Variants in IL1RAPL1 observed in about 807,000 individuals in gnomAD.
IL1RAPL1 encodes the protein interleukin 1 receptor accessory protein like 1.
IL1RAPL1 carries 3 observed loss-of-function variants against 48.4 expected under a neutral mutation model. The ratio of observed to expected loss-of-function variants is 0.06; its 90% CI spans 0.03 to 0.16. The LOEUF (loss-of-function observed/expected upper bound fraction) is 0.16, where lower values mean the gene tolerates loss of function less well. Ranked by LOEUF, IL1RAPL1 falls within the 10% of genes least tolerant of loss-of-function variation. The pLI is 1.00. For missense variants in IL1RAPL1, 349 were observed against 530.6 expected, an observed-to-expected ratio of 0.66 and a Z score of 3.36; for synonymous variants, 185 against 187.7, an observed-to-expected ratio of 0.99 and a Z score of 0.12.
intron 6 of IL1RAPL1, among the ~76,000 whole-genome samples, chrX:29,853,246 A>G (rs867625218): frequency 9.2e-6 from 1 of 108,461 alleles, no homozygotes; most frequent in Non-Finnish European, 1.9e-5. Context: ...TATAATCCCA[A>G]CACTTGGGAG....
At chrX:29,743,078 T>C (rs1928246197) in intron 6 of IL1RAPL1, among the ~76,000 whole-genome samples, 1 of 109,584 alleles carries the variant, frequency 9.1e-6, no homozygotes, top group African/African-American at 3.3e-5. Flanking sequence ...GTAATACATA[T>C]GTAATATGAC....
At chrX:29,150,380 A>T (rs1197816790) in intron 2 of IL1RAPL1, among the ~76,000 whole-genome samples, 4 of 111,651 alleles carry the variant, frequency 3.6e-5, no homozygotes, top group Non-Finnish European at 7.5e-5. Flanking sequence ...AAACAACAAT[A>T]ATAGCAGCAG....
intron 5 of IL1RAPL1, among the ~76,000 whole-genome samples, chrX:29,519,990 ATGTCTC>A (rs1162286504): frequency 1.8e-5 from 2 of 111,936 alleles, no homozygotes; most frequent in Non-Finnish European, 3.8e-5. Flanking sequence ...ACCTAAGTCC[ATGTCTC>A]TGGCTAATCT....
chrX:28,971,876 TTGTG>T (rs3066657), intron 2 of IL1RAPL1, among the ~76,000 whole-genome samples: 243 of 84,465 alleles, frequency 2.9e-3, no homozygotes, highest in Middle Eastern at 0.012. Flanking sequence ...ACTCTGAAAA[TTGTG>T]TGTGTGTGTG....
At chrX:29,434,516 G>A (rs1246937306) in intron 5 of IL1RAPL1, among the ~76,000 whole-genome samples, 1 of 110,630 alleles carries the variant, frequency 9.0e-6, no homozygotes, top group Non-Finnish European at 1.9e-5. Context: ...TTGTCACACT[G>A]TTTTTTGCCA....
intron 5 of IL1RAPL1, among the ~76,000 whole-genome samples, chrX:29,550,347 A>C (rs776115704): frequency 9.1e-6 from 1 of 110,179 alleles, no homozygotes; most frequent in Non-Finnish European, 1.9e-5. Flanking sequence ...GCCCGCCACC[A>C]CGCCCGGCTA....
rs779005850 is a variant in IL1RAPL1 at position 29,178,164 on chromosome X, G to A, written c.83-104774G>A. On this transcript the variant is annotated intron_variant, in intron 2 of 10. Transcript: ENST00000378993. ...TCTAGTTCTAGATCCCTGAGGAATCGCCACACTGTCTTTCACAATGGTTGA... is the reference window on the plus strand; with the variant it reads ...TCTAGTTCTAGATCCCTGAGGAATCACCACACTGTCTTTCACAATGGTTGA... Among the ~76,000 whole-genome samples, 5 of 111,541 alleles carry A rather than the reference G, an allele frequency of 4.5e-5. No homozygotes were observed. The East Asian group carries it at 1.1e-3, about 25-fold the overall frequency.
intron 6 of IL1RAPL1, among the ~76,000 whole-genome samples, chrX:29,912,843 C>G (rs1932767676): frequency 1.8e-5 from 2 of 111,989 alleles, no homozygotes; most frequent in African/African-American, 6.5e-5. Flanking sequence ...TTATTACTTT[C>G]ATAACTACTA....
chrX:29,804,090 A>G (rs1350465619), intron 6 of IL1RAPL1, among the ~76,000 whole-genome samples: 1 of 111,611 alleles, frequency 9.0e-6, no homozygotes, highest in Non-Finnish European at 1.9e-5. Context: ...CCCTTGATTG[A>G]CACTGTTCTT....
At chrX:29,791,752 G>C (rs1472282603) in intron 6 of IL1RAPL1, among the ~76,000 whole-genome samples, 2 of 83,309 alleles carry the variant, frequency 2.4e-5, no homozygotes, top group Non-Finnish European at 4.7e-5. Flanking sequence ...TTTCTTTTGA[G>C]GTGAGTCTCG....
At chrX:28,686,513 G>C (rs1169848876) in intron 1 of IL1RAPL1, among the ~76,000 whole-genome samples, 2 of 111,765 alleles carry the variant, frequency 1.8e-5, no homozygotes, top group Non-Finnish European at 3.8e-5. Flanking sequence ...TGGACATTTG[G>C]TTAGCTGCAT....
intron 3 of IL1RAPL1, among the ~76,000 whole-genome samples, chrX:29,391,252 T>C (rs968902143): frequency 1.1e-4 from 12 of 111,711 alleles, no homozygotes; most frequent in African/African-American, 3.9e-4. Flanking sequence ...ACAACAGTAC[T>C]GAGAAACCTG....
chrX:29,507,924 C>T (rs1194277843), intron 5 of IL1RAPL1, among the ~76,000 whole-genome samples: 1 of 111,070 alleles, frequency 9.0e-6, no homozygotes, highest in East Asian at 2.8e-4. Flanking sequence ...TGGTAGAAAC[C>T]ACATGACAAT....
At chrX:28,674,253 T>TA (rs1234685326) in intron 1 of IL1RAPL1, among the ~76,000 whole-genome samples, 31 of 106,586 alleles carry the variant, frequency 2.9e-4, no homozygotes, top group East Asian at 8.8e-4. Flanking sequence ...AAGTAAGATT[T>TA]AAAAAAAAAA....
At chrX:29,209,126 A>C (rs1349558616) in intron 2 of IL1RAPL1, among the ~76,000 whole-genome samples, 1 of 111,772 alleles carries the variant, frequency 8.9e-6, no homozygotes, top group East Asian at 2.8e-4. Context: ...CATTGTTTTG[A>C]TATAAGGTGC....
chrX:29,073,604 T>G (rs757716362), intron 2 of IL1RAPL1, among the ~76,000 whole-genome samples: 3 of 111,828 alleles, frequency 2.7e-5, no homozygotes, highest in Non-Finnish European at 1.9e-5. Context: ...TACCTTGTAA[T>G]GATAAGACAT....
chrX:29,106,552 A>G (rs756560963), intron 2 of IL1RAPL1, among the ~76,000 whole-genome samples: 10 of 111,940 alleles, frequency 8.9e-5, no homozygotes, highest in Admixed American at 1.9e-4. Context: ...ACCAAACATC[A>G]TACAATGTGA....
intron 2 of IL1RAPL1, among the ~76,000 whole-genome samples, chrX:29,127,439 G>T (rs1409130250): frequency 1.8e-5 from 2 of 112,033 alleles, no homozygotes; most frequent in South Asian, 3.7e-4. Flanking sequence ...ATGCTTCTTT[G>T]TTTCCTGATC....
chrX:29,334,586 C>T (rs1255287408), intron 3 of IL1RAPL1, among the ~76,000 whole-genome samples: 2 of 111,327 alleles, frequency 1.8e-5, no homozygotes, highest in African/African-American at 6.5e-5. Context: ...AGAGGGTTTC[C>T]TCACTTCTCA....
Sources: allele counts gnomAD v4.1 joint callset (sites outside exome capture counted in the v4.1 genomes callset), GRCh38; gene constraint gnomAD v4.1.1; transcripts MANE v1.5; gene names NCBI Gene and HGNC (gene_info 2026-07-23, HGNC 2026-07-21).